Variants in CTNNA2 observed in about 807,000 individuals in gnomAD.
The protein encoded by CTNNA2 is catenin alpha-2.
In CTNNA2, 42 loss-of-function variants were observed where a neutral mutation model predicts 101.0. The ratio of observed to expected loss-of-function variants is 0.42; its 90% CI spans 0.32 to 0.54. CTNNA2 has a LOEUF of 0.54. CTNNA2 is among the 20% of genes least tolerant of loss of function. CTNNA2 has a pLI of 0.14. For missense variants in CTNNA2, 871 were observed against 1,223.1 expected, an observed-to-expected ratio of 0.71 and a Z score of 4.29; for synonymous variants, 450 against 456.4, an observed-to-expected ratio of 0.99 and a Z score of 0.18.
chr2:80,047,955 T>A (rs960855012), intron 7 of CTNNA2, among the ~76,000 whole-genome samples: 1 of 152,092 alleles, frequency 6.6e-6, no homozygotes, highest in African/African-American at 2.4e-5. Context: ...TAATAGGGGG[T>A]CACTGAAAAT....
chr2:79,199,851 G>C (rs989792765), intron 2 of CTNNA2, among the ~76,000 whole-genome samples: 17 of 152,116 alleles, frequency 1.1e-4, no homozygotes, highest in Admixed American at 5.9e-4. Flanking sequence ...ACAGATGGTT[G>C]CACAATTTTT....
At chr2:79,839,150 C>T (rs756173657) in intron 3 of CTNNA2, among the ~76,000 whole-genome samples, 3 of 152,038 alleles carry the variant, frequency 2.0e-5, no homozygotes, top group Non-Finnish European at 4.4e-5. Flanking sequence ...TTCTCTGGAA[C>T]TGTCTATTTT....
rs530198809 is a variant in CTNNA2, at chr2:79,398,442, C to A, written c.-135+24429C>A. ...CCTATAGTCTACAGTGTCAAACCAC[C>A]TGAGTTTTTTATTCAGTAGGTCTGG... On this transcript the variant is annotated intron_variant, in intron 4 of 21. Coordinates refer to the CTNNA2 transcript ENST00000466387. Among the ~76,000 whole-genome samples, 9 of 152,164 alleles carry A rather than the reference C, an allele frequency of 5.9e-5. No homozygotes were observed. In the South Asian group the frequency reaches 1.9e-3, roughly 32 times the overall value.
At chr2:79,655,423 T>C (rs1681541652) in intron 2 of CTNNA2, among the ~76,000 whole-genome samples, 2 of 152,332 alleles carry the variant, frequency 1.3e-5, no homozygotes, top group South Asian at 4.1e-4. Flanking sequence ...GAATTAGGCA[T>C]GGGCTAGCAC....
At chr2:79,361,877 C>G (rs929553426) in intron 3 of CTNNA2, among the ~76,000 whole-genome samples, 4 of 152,152 alleles carry the variant, frequency 2.6e-5, no homozygotes, top group Non-Finnish European at 4.4e-5. Flanking sequence ...ACTCTGGCAG[C>G]TGATTACATG....
rs577662883 is a variant in CTNNA2 at position 80,465,034 on chromosome 2, G to A, written c.1290+45433G>A. ...TTTAATTATTTGTCAAAAGATATGC[G>A]TCTTCATTCACCCTGCTCCATTGGG... On this transcript the variant is annotated intron_variant, in intron 9 of 18. Transcript: ENST00000402739. 5.0e-4 allele frequency among the ~76,000 whole-genome samples: 76 copies of A among 152,046 alleles called. No homozygotes were observed. The South Asian group carries it at 8.1e-3, about 16-fold the overall frequency.
intron 7 of CTNNA2, among the ~76,000 whole-genome samples, chr2:80,207,334 G>A (rs1707596286): frequency 6.6e-6 from 1 of 152,192 alleles, no homozygotes; most frequent in Admixed American, 6.6e-5. Flanking sequence ...GCCTAGCAGG[G>A]CCATTGGCCT....
At chr2:80,183,745 A>G (rs550410506) in intron 7 of CTNNA2, among the ~76,000 whole-genome samples, 13 of 152,336 alleles carry the variant, frequency 8.5e-5, no homozygotes, top group African/African-American at 3.1e-4. Flanking sequence ...TAGATGAGTA[A>G]ATCACTTGAT....
intron 15 of CTNNA2, among the ~76,000 whole-genome samples, chr2:80,597,138 T>TG (rs1391953574): frequency 3.3e-5 from 5 of 152,296 alleles, no homozygotes; most frequent in African/African-American, 1.2e-4. Flanking sequence ...TTTGCATCGA[T>TG]GTTCATCAGG....
At chr2:80,073,978 C>T (rs1010492938) in intron 7 of CTNNA2, among the ~76,000 whole-genome samples, 13 of 152,156 alleles carry the variant, frequency 8.5e-5, no homozygotes, top group South Asian at 2.1e-4. Context: ...TATTGACCTA[C>T]GGGTATGTAG....
At chr2:79,869,990 T>A in intron 5 of CTNNA2, 55 bp downstream of exon 5, 1 of 1,593,270 alleles carries the variant, frequency 6.3e-7, no homozygotes, top group Non-Finnish European at 8.5e-7. Flanking sequence ...TAAATAACCC[T>A]GTAGCTTTTT....
chr2:79,946,402 A>C (rs1688494687), intron 7 of CTNNA2, among the ~76,000 whole-genome samples: 1 of 152,188 alleles, frequency 6.6e-6, no homozygotes, highest in Non-Finnish European at 1.5e-5. Flanking sequence ...TACACTGAGA[A>C]CTGAACTGAG....
intron 1 of CTNNA2, among the ~76,000 whole-genome samples, chr2:79,193,609 A>G (rs1436267774): frequency 6.6e-6 from 1 of 152,150 alleles, no homozygotes; most frequent in Non-Finnish European, 1.5e-5. Flanking sequence ...GTATGACTGA[A>G]ATTGCTCTTT....
At chr2:79,931,293 A>G (rs1452683600) in intron 7 of CTNNA2, among the ~76,000 whole-genome samples, 2 of 152,146 alleles carry the variant, frequency 1.3e-5, no homozygotes, top group African/African-American at 4.8e-5. Context: ...AATATCGGAT[A>G]TGTTTTAAAA....
intron 1 of CTNNA2, among the ~76,000 whole-genome samples, chr2:79,572,594 A>G (rs1422022766): frequency 6.6e-6 from 1 of 152,174 alleles, no homozygotes; most frequent in Non-Finnish European, 1.5e-5. Flanking sequence ...TCTACTAAAA[A>G]TACAAAAATT....
At position 79,451,688 on chromosome 2, in the gene CTNNA2, CT is replaced by C. The variant is rs1670752315; in HGVS notation, c.-134-53365del. The stretch of plus-strand genomic sequence containing the variant: ...CAAGGATATCAGTTTAAGACTCTAT[CT>C]CACTCAAAGATCAAATTACTTCATT... On this transcript the variant is annotated intron_variant, in intron 4 of 21. Coordinates refer to the CTNNA2 transcript ENST00000466387. 2.0e-5 allele frequency among the ~76,000 whole-genome samples: 3 copies of C among 151,688 alleles called. No homozygotes were observed. In the South Asian group the frequency reaches 6.2e-4, roughly 31 times the overall value.
At chr2:79,978,097 G>A (rs1230296459) in intron 7 of CTNNA2, among the ~76,000 whole-genome samples, 2 of 152,138 alleles carry the variant, frequency 1.3e-5, no homozygotes, top group Non-Finnish European at 2.9e-5. Flanking sequence ...CATAGGGTAA[G>A]GTTTTACCAT....
At chr2:79,902,452 G>C (rs1685126604) in intron 6 of CTNNA2, among the ~76,000 whole-genome samples, 1 of 151,994 alleles carries the variant, frequency 6.6e-6, no homozygotes, top group South Asian at 2.1e-4. Context: ...TTGTTTATAT[G>C]AAGGCGATAG....
chr2:79,754,328 C>T (rs1672255572), intron 3 of CTNNA2, among the ~76,000 whole-genome samples: 1 of 152,136 alleles, frequency 6.6e-6, no homozygotes, highest in South Asian at 2.1e-4. Flanking sequence ...CCTGGTGCCT[C>T]CCTGCTTCTC....
Sources: allele counts gnomAD v4.1 joint callset (sites outside exome capture counted in the v4.1 genomes callset), GRCh38; gene constraint gnomAD v4.1.1; transcripts MANE v1.5; gene names NCBI Gene and HGNC (gene_info 2026-07-23, HGNC 2026-07-21).